OTUD7A: variants seen among roughly 807,000 people sequenced by gnomAD.
The protein encoded by OTUD7A is OTU deubiquitinase 7A.
Under a neutral mutation model 65.7 loss-of-function variants are expected in OTUD7A, and 12 were observed. That is an observed-to-expected ratio of 0.18 (90% CI 0.12 to 0.30). The LOEUF is 0.30. OTUD7A is among the 10% of genes least tolerant of loss of function. The pLI is 1.00. For missense variants in OTUD7A, 1,148 were observed against 1,304.8 expected, an observed-to-expected ratio of 0.88 and a Z score of 1.85; for synonymous variants, 641 against 586.3, an observed-to-expected ratio of 1.09 and a Z score of -1.35.
chr15:31,679,669 A>T (rs1469832049), intron 1 of OTUD7A, among the ~76,000 whole-genome samples: 1 of 152,152 alleles, frequency 6.6e-6, no homozygotes, highest in East Asian at 1.9e-4. Context: ...TTCCGCCATG[A>T]TTGTAAGTCT....
Position 31,748,146 on chromosome 15 carries a change from G to A in OTUD7A, c.-99-91069C>T, listed in dbSNP as rs568850204. Among the ~76,000 whole-genome samples the A allele has an allele frequency of 4.6e-5, 7 of 152,054 alleles. No homozygotes were observed. The South Asian group carries it at 1.5e-3, about 32-fold the overall frequency. ...TGAGAGAATTGATAAAATTGAATAT[G>A]GAGTGTAGATTAGATACTAGAATTG... On this transcript the variant is annotated intron_variant, in intron 1 of 12. Coordinates refer to ENST00000307050, the MANE Select transcript of OTUD7A (RefSeq NM_001382637.1).
chr15:31,831,538 C>A (rs1323815682), intron 1 of OTUD7A, among the ~76,000 whole-genome samples: 1 of 152,238 alleles, frequency 6.6e-6, no homozygotes, highest in African/African-American at 2.4e-5. Flanking sequence ...GTGCCAAATG[C>A]TGGTGAGGAC....
At chr15:31,704,149 T>A (rs907794592) in intron 1 of OTUD7A, among the ~76,000 whole-genome samples, 3 of 124,804 alleles carry the variant, frequency 2.4e-5, no homozygotes, top group Non-Finnish European at 5.2e-5. Context: ...AACATTAATG[T>A]CCTGGTTGTG....
intron 1 of OTUD7A, among the ~76,000 whole-genome samples, chr15:31,776,141 C>T (rs1895373014): frequency 6.6e-6 from 1 of 152,220 alleles, no homozygotes; most frequent in African/African-American, 2.4e-5. Context: ...GCCTATGCTT[C>T]GGGCTGCCCC....
intron 1 of OTUD7A, among the ~76,000 whole-genome samples, chr15:31,749,070 T>C (rs957582322): frequency 6.7e-5 from 9 of 134,996 alleles, no homozygotes; most frequent in Non-Finnish European, 1.2e-4. Context: ...TTCTCACTCA[T>C]AGGTGGGAAT....
At chr15:31,818,261 C>A (rs117414204) in intron 1 of OTUD7A, among the ~76,000 whole-genome samples, 1 of 152,266 alleles carries the variant, frequency 6.6e-6, no homozygotes, top group East Asian at 1.9e-4. Context: ...CATATGCTAG[C>A]AACAGCCTTG....
intron 10 of OTUD7A, among the ~76,000 whole-genome samples, chr15:31,488,170 C>T (rs1477628557): frequency 6.6e-6 from 1 of 152,146 alleles, no homozygotes. Context: ...AAACACCAGG[C>T]AGAAGGCAGT....
rs187181028 is a variant in OTUD7A, at chr15:31,564,326, A to C, written c.332-5139T>G. On this transcript the variant is annotated intron_variant, in intron 4 of 12. Coordinates refer to ENST00000307050, the MANE Select transcript of OTUD7A (RefSeq NM_001382637.1). ...GTATACCATGTAAATCTTTTTAGGC[A>C]CTCAAGGCCTTAGGAGATTCACCAT... Among the ~76,000 whole-genome samples the C allele has an allele frequency of 2.9e-3, 435 of 151,090 alleles. 4 individuals are homozygous for C. Among genetic ancestry groups the C allele is most frequent in the African/African-American group, 0.01 (413 of 41,072 alleles).
intron 10 of OTUD7A, among the ~76,000 whole-genome samples, chr15:31,492,527 C>A (rs1824354): frequency 6.6e-6 from 1 of 150,784 alleles, no homozygotes; most frequent in Non-Finnish European, 1.5e-5. Flanking sequence ...GCAGTGAGAG[C>A]CTGCAAGATC....
At chr15:31,557,972 C>T (rs941973478) in intron 5 of OTUD7A, 5 of 152,188 alleles carry the variant, frequency 3.3e-5, no homozygotes, top group African/African-American at 1.2e-4. Flanking sequence ...GGCTCCACTC[C>T]ACAGTGGACA....
intron 3 of OTUD7A, among the ~76,000 whole-genome samples, chr15:31,654,555 C>T (rs1322583922): frequency 6.6e-6 from 1 of 152,110 alleles, no homozygotes; most frequent in Non-Finnish European, 1.5e-5. Flanking sequence ...TGGTCCCTCC[C>T]ACCTTTACAT....
At chr15:31,538,969 T>C (rs1887895841) in intron 5 of OTUD7A, among the ~76,000 whole-genome samples, 1 of 152,222 alleles carries the variant, frequency 6.6e-6, no homozygotes, top group African/African-American at 2.4e-5. Flanking sequence ...AATCTTCAGA[T>C]AAATGATACT....
rs1234038426 is a variant in OTUD7A, at chr15:31,559,196, G to C, written c.332-9C>G. The C allele has an allele frequency of 2.7e-5, 44 of 1,611,164 alleles. No individual in the cohort carries two copies. Among genetic ancestry groups the C allele is most frequent in the Non-Finnish European group, 3.6e-5 (42 of 1,178,192 alleles). On this transcript the variant is annotated splice_polypyrimidine_tract_variant and intron_variant, in intron 4 of 12. Transcript: ENST00000307050. ...CCGGGAAAGCCGCTTTTCTGCAGGG[G>C]GAGAAGGAAAGATAGCCCCAAGGGC...
intron 1 of OTUD7A, among the ~76,000 whole-genome samples, chr15:31,849,683 C>A (rs1897374159): frequency 6.6e-6 from 1 of 151,846 alleles, no homozygotes; most frequent in Admixed American, 6.6e-5. Flanking sequence ...TCAGAAGCTA[C>A]AAAGAACTTA....
At chr15:31,728,591 C>T (rs1893958646) in intron 1 of OTUD7A, among the ~76,000 whole-genome samples, 1 of 151,726 alleles carries the variant, frequency 6.6e-6, no homozygotes, top group Non-Finnish European at 1.5e-5. Flanking sequence ...AGCTTTCTTC[C>T]CTCAACACTC....
intron 5 of OTUD7A, among the ~76,000 whole-genome samples, chr15:31,532,334 C>G (rs553866462): frequency 6.6e-6 from 1 of 151,962 alleles, no homozygotes; most frequent in Non-Finnish European, 1.5e-5. Context: ...CTTACCAAAA[C>G]AATAGAAGAT....
Position 31,484,461 on chromosome 15 carries a change from C to CAGGCCGCCG in OTUD7A, c.1626_1634dup (p.Gly543_Leu545dup), listed in dbSNP as rs2041202614. ...TGGCGCGGCCCATCTTGCCGTGCAC[C>CAGGCCGCCG]AGGCCGCCGAGGCCGCCCATGTTTT... On this transcript the variant is annotated inframe_insertion, in exon 13 of 13. Transcript: ENST00000307050. This position sits in a 1 kb window ranked among gnomAD's most constrained non-coding sequence, Gnocchi z 4.5. 19 of 1,605,226 alleles carry CAGGCCGCCG rather than the reference C, an allele frequency of 1.2e-5. No homozygotes were observed. Among genetic ancestry groups the CAGGCCGCCG allele is most frequent in the Non-Finnish European group, 1.6e-5 (19 of 1,179,942 alleles).
chr15:31,484,436 T>G lies in OTUD7A; in HGVS notation c.1660A>C (p.Asn554His). The G allele has an allele frequency of 6.2e-7, 1 of 1,603,270 alleles. No individual in the cohort carries two copies. Among genetic ancestry groups the G allele is most frequent in the Non-Finnish European group, 8.5e-7 (1 of 1,179,884 alleles). The change falls in exon 13 of 13, where the codon AAC becomes CAC. Residue 554 changes from asparagine to histidine, a missense_variant. Coordinates refer to ENST00000307050, the MANE Select transcript of OTUD7A (RefSeq NM_001382637.1). This position sits in a 1 kb window ranked among gnomAD's most constrained non-coding sequence, Gnocchi z 4.5. ...GLVHGKMGRANSANGKNGDSA... is the reference protein window; with the variant it reads ...GLVHGKMGRAHSANGKNGDSA... ...TCCCCGTTCTTGCCATTGGCGGAGT[T>G]GGCGCGGCCCATCTTGCCGTGCACC...
chr15:31,671,986 C>CTT (rs1332362989), intron 1 of OTUD7A, among the ~76,000 whole-genome samples: 3 of 152,136 alleles, frequency 2.0e-5, no homozygotes, highest in Non-Finnish European at 2.9e-5. Context: ...GTACTTAATG[C>CTT]TTAGCTCCCA....
Sources: allele counts gnomAD v4.1 joint callset (sites outside exome capture counted in the v4.1 genomes callset), GRCh38; gene constraint gnomAD v4.1.1; non-coding constraint Gnocchi (gnomAD v3.1); transcripts MANE v1.5; gene names NCBI Gene and HGNC (gene_info 2026-07-23, HGNC 2026-07-21).